GPR155: variants seen among roughly 807,000 people sequenced by gnomAD.
The protein encoded by GPR155 is lysosomal cholesterol signaling protein.
Under a neutral mutation model 93.1 loss-of-function variants are expected in GPR155, and 65 were observed. That is an observed-to-expected ratio of 0.70 (90% CI 0.57 to 0.86). The LOEUF (loss-of-function observed/expected upper bound fraction) is 0.86, where lower values mean the gene tolerates loss of function less well. GPR155 is among the 40% of genes least tolerant of loss of function. The pLI is 0.00. For missense variants in GPR155, 838 were observed against 1,034.8 expected, an observed-to-expected ratio of 0.81 and a Z score of 2.61; for synonymous variants, 319 against 360.1, an observed-to-expected ratio of 0.89 and a Z score of 1.29.
At chr2:174,467,310 G>C (rs537921607) in intron 5 of GPR155, among the ~76,000 whole-genome samples, 4 of 152,196 alleles carry the variant, frequency 2.6e-5, no homozygotes, top group Non-Finnish European at 5.9e-5. Context: ...GACTAGCCTG[G>C]CCAACATGGC....
In GPR155 at chr2:174,465,706, G is replaced by T. The variant is rs1405187363; in HGVS notation, c.1384+79C>A. 8 of 726,620 alleles carry T rather than the reference G, an allele frequency of 1.1e-5. No homozygotes were observed. The East Asian group carries it at 2.0e-4, about 18-fold the overall frequency. 45.0% of individuals were successfully genotyped at this position (726,620 alleles called of 1,614,324 possible). ...ATCCTGTACTACCAGACTTCAAATA[G>T]ATCACTAGAAGCTCAGGGCTATTAG... On this transcript the variant is annotated intron_variant, in intron 7 of 15. Coordinates refer to ENST00000392552, the MANE Select transcript of GPR155 (RefSeq NM_152529.7).
At chr2:174,484,626 G>T (rs913354678) in intron 1 of GPR155, among the ~76,000 whole-genome samples, 1 of 152,176 alleles carries the variant, frequency 6.6e-6, no homozygotes, top group Non-Finnish European at 1.5e-5. Flanking sequence ...ACTGTAAAAT[G>T]AGAGTAAAAA....
In GPR155 at chr2:174,459,910, G is replaced by C. The variant is rs1031852574; in HGVS notation, c.1739C>G (p.Pro580Arg). 1.9e-6 allele frequency: 3 copies of C among 1,613,264 alleles called. No individual in the cohort carries two copies. Among genetic ancestry groups the C allele is most frequent in the Non-Finnish European group, 2.5e-6 (3 of 1,179,408 alleles). Residue 580 changes from proline to arginine, a missense_variant, in exon 10 of 16, where the codon CCA becomes CGA. Around this residue, in one of 3 missense-constraint regions of GPR155, gnomAD observed 663 missense variants for 790.1 expected, o/e 0.84. Transcript: ENST00000392552. Reference protein sequence around the residue: ...FEESPAPVNEPELFTSSIPET... With the variant: ...FEESPAPVNERELFTSSIPET... Reference sequence around the variant, plus strand: ...TGGAATAGAGCTTGTAAAAAGTTCTGGTTCATTTACTGGTGCTGGACTCTC... The same window carrying C: ...TGGAATAGAGCTTGTAAAAAGTTCTCGTTCATTTACTGGTGCTGGACTCTC...
intron 11 of GPR155, among the ~76,000 whole-genome samples, chr2:174,451,339 A>C (rs1369898789): frequency 6.6e-6 from 1 of 151,964 alleles, no homozygotes; most frequent in Non-Finnish European, 1.5e-5. Context: ...TTTTATACAG[A>C]TATTACAAAA....
In GPR155 at chr2:174,436,356, A is replaced by G; in HGVS notation, c.2373T>C (p.Ile791=). The G allele has an allele frequency of 6.2e-7, 1 of 1,614,212 alleles. No homozygotes were observed. The highest frequency in any genetic ancestry group is 8.5e-7 in the Non-Finnish European group (1 of 1,180,032). ...FCGCDLVSWL[I]EVGLASDRGE... ...CACGGTCGGAGGCAAGGCCGACTTC[A>G]ATTAGCCAGCTCACCAGGTCACAGC... The change falls in exon 16 of 16, where the codon ATT becomes ATC. Residue 791 remains isoleucine (I), a synonymous_variant. Coordinates refer to ENST00000392552, the MANE Select transcript of GPR155 (RefSeq NM_152529.7).
intron 14 of GPR155, 43 bp downstream of exon 14, chr2:174,442,076 C>G (rs7574442): frequency 0.27 from 268,817 of 977,950 alleles, 45,993 homozygotes; most frequent in East Asian, 0.68. Flanking sequence ...ATGGCTTTGT[C>G]ATCACATTTA....
intron 1 of GPR155, among the ~76,000 whole-genome samples, chr2:174,483,450 C>A (rs1688387181): frequency 6.6e-6 from 1 of 152,104 alleles, no homozygotes; most frequent in East Asian, 1.9e-4. Context: ...GGAACAAATT[C>A]AAAACACGAA....
intron 3 of GPR155, among the ~76,000 whole-genome samples, chr2:174,472,428 A>G (rs781166338): frequency 6.6e-6 from 1 of 152,002 alleles, no homozygotes; most frequent in Admixed American, 6.6e-5. Context: ...AAACAACAAC[A>G]ACAAAAAAGA....
chr2:174,439,793 A>G (rs1438952492), intron 15 of GPR155, 105 bp downstream of exon 15: 1 of 879,522 alleles, frequency 1.1e-6, no homozygotes, highest in Non-Finnish European at 1.8e-6. Context: ...AAAAATAATC[A>G]TGTAATCAGT....
Position 174,476,007 on chromosome 2 carries a change from G to A in GPR155, c.461-2643C>T, listed in dbSNP as rs75937643. Among the ~76,000 whole-genome samples, 1,185 of 152,124 alleles carry A rather than the reference G, an allele frequency of 7.8e-3. 14 individuals carry two copies. Among genetic ancestry groups the A allele is most frequent in the Middle Eastern group, 0.027 (8 of 294 alleles). On this transcript the variant is annotated intron_variant, in intron 2 of 15. Coordinates refer to ENST00000392552, the MANE Select transcript of GPR155 (RefSeq NM_152529.7). ...GGCACACTAGCATTTAATCACTACC[G>A]CATAATGAACTTTACATTGTTTTAA... is the stretch of plus-strand genomic sequence containing the variant.
Position 174,446,716 on chromosome 2 carries a change from CT to C in GPR155, c.1907del (p.Gln636ArgfsTer5). 6.2e-7 allele frequency: 1 copy of C among 1,613,998 alleles called. No homozygotes were observed. Among genetic ancestry groups the C allele is most frequent in the Non-Finnish European group, 8.5e-7 (1 of 1,179,896 alleles). ...NNHCVSRCNS[Q>X]SCILAQEEEQ... is the part of the protein sequence containing the mutation. ...CTTCTTCCTGGGCTAATATGCAGCT[CT>C]GGGAGTTACAGCGACTCACACAATG... On this transcript the variant is annotated frameshift_variant, in exon 12 of 16. Transcript: ENST00000392552. LOFTEE classifies it high-confidence loss of function.
rs530666348 is a variant in GPR155 at position 174,459,188 on chromosome 2, AAACTGACTTACATCAT to A, written c.1771+674_1771+689del. Among the ~76,000 whole-genome samples the A allele has an allele frequency of 2.7e-3, 405 of 152,352 alleles. 1 individual carries two copies. The highest frequency in any genetic ancestry group is 9.2e-3 in the African/African-American group (382 of 41,582). ...TGGCCTATGGACTATAGTTTGCCCA[AAACTGACTTACATCAT>A]TAATCTGGCTTTAAACAGGCCTCCT... On this transcript the variant is annotated intron_variant, in intron 10 of 15. Coordinates refer to ENST00000392552, the MANE Select transcript of GPR155 (RefSeq NM_152529.7).
rs139347350 is a variant in GPR155, at chr2:174,485,492, G to A, written c.-32+1381C>T. Among the ~76,000 whole-genome samples the A allele has an allele frequency of 5.9e-5, 9 of 151,714 alleles. No individual in the cohort carries two copies. The South Asian group carries it at 1.0e-3, about 18-fold the overall frequency. The stretch of plus-strand genomic sequence containing the variant: ...GATGCCTGTAATCCCAGCTACTCGG[G>A]AAGCTGAGGCAGGAGAATCTCTTGC... On this transcript the variant is annotated intron_variant, in intron 1 of 15. Coordinates refer to ENST00000392552, the MANE Select transcript of GPR155 (RefSeq NM_152529.7).
chr2:174,473,046 A>G lies in GPR155; in HGVS notation c.779T>C (p.Leu260Pro). The change falls in exon 3 of 16, where the codon CTT (leucine) becomes CCT (proline). Residue 260 changes from leucine (L) to proline (P), a missense_variant. Physicochemically the swap from Leu to Pro is moderately conservative, Grantham distance 98 (BLOSUM62 -3). Coordinates refer to ENST00000392552, the MANE Select transcript of GPR155 (RefSeq NM_152529.7). The part of the protein sequence containing the change: ...NSFSGSALFY[L>P]GLTMVGKIKR... The stretch of plus-strand genomic sequence containing the variant: ...TATTTTTCCCACCATCGTGAGACCA[A>G]GATAAAATAGGGCTGATCCAGAAAA... 6.3e-7 allele frequency: 1 copy of G among 1,599,940 alleles called. No homozygotes were observed. The highest frequency in any genetic ancestry group is 1.1e-5 in the South Asian group (1 of 87,508).
At chr2:174,451,035 C>T (rs1456924813) in intron 11 of GPR155, among the ~76,000 whole-genome samples, 1 of 152,098 alleles carries the variant, frequency 6.6e-6, no homozygotes, top group Non-Finnish European at 1.5e-5. Context: ...ACAAGCCAGG[C>T]ACGGCAGCTG....
rs1362806443 is a variant in GPR155 at position 174,470,530 on chromosome 2, C to G, written c.886G>C (p.Glu296Gln). ...CCCTTGTCCAAGAGTTCCACCATTT[C>G]TCTGCACAGAAGTGGCAGCACCAGA... ...KLLVLPLLCREMVELLDKGDS... is the reference protein window; with the variant it reads ...KLLVLPLLCRQMVELLDKGDS... The change falls in exon 4 of 16, where the codon GAA (glutamate) becomes CAA (glutamine). Residue 296 changes from glutamate to glutamine, a missense_variant. This residue lies in a region of GPR155 where 663 missense variants were observed against 790.1 expected (regional missense o/e 0.84). Coordinates refer to ENST00000392552, the MANE Select transcript of GPR155 (RefSeq NM_152529.7). The G allele has an allele frequency of 1.2e-6, 2 of 1,613,740 alleles. No homozygotes were observed. The highest frequency in any genetic ancestry group is 2.2e-5 in the South Asian group (2 of 91,066).
chr2:174,462,075 A>C (rs1687712861), intron 7 of GPR155, among the ~76,000 whole-genome samples: 2 of 152,088 alleles, frequency 1.3e-5, no homozygotes, highest in Admixed American at 1.3e-4. Context: ...AGCTGGGACC[A>C]CAGCCACATG....
intron 11 of GPR155, among the ~76,000 whole-genome samples, chr2:174,452,695 C>A (rs1187092894): frequency 6.6e-6 from 1 of 151,988 alleles, no homozygotes; most frequent in African/African-American, 2.4e-5. Context: ...ACCTAGGTTG[C>A]AGTGCAGTGG....
intron 11 of GPR155, among the ~76,000 whole-genome samples, chr2:174,452,215 A>G (rs1687341872): frequency 6.6e-6 from 1 of 152,192 alleles, no homozygotes; most frequent in South Asian, 2.1e-4. Context: ...AAAAAAGTCA[A>G]TGAATGTTTC....
Sources: allele counts gnomAD v4.1 joint callset (sites outside exome capture counted in the v4.1 genomes callset), GRCh38; gene constraint gnomAD v4.1.1; regional missense constraint gnomAD v4.1.1; transcripts MANE v1.5; gene names NCBI Gene and HGNC (gene_info 2026-07-23, HGNC 2026-07-21).